The following FXYD6 variants were observed in gnomAD, a reference collection of about 807,000 sequenced individuals.
FXYD6 encodes the protein FXYD domain-containing ion transport regulator 6.
In FXYD6, 7 loss-of-function variants were observed where a neutral mutation model predicts 16.7. The observed-to-expected ratio is 0.42, with a 90% CI of 0.24 to 0.79. FXYD6 has a LOEUF of 0.79. Among genes scored for constraint, FXYD6 ranks in the 30% least tolerant of loss-of-function variants. FXYD6 has a pLI of 0.28. For missense variants in FXYD6, 111 were observed against 116.2 expected (o/e 0.95, Z 0.21); for synonymous variants, 49 against 43.0 (o/e 1.14, Z -0.54).
chr11:117,846,672 G>C (rs536000754), intron 1 of FXYD6, among the ~76,000 whole-genome samples: 1 of 152,170 alleles, frequency 6.6e-6, no homozygotes, highest in Non-Finnish European at 1.5e-5. Context: ...TCACATATCT[G>C]ATTTCTATTT....
At chr11:117,853,378 C>A (rs1040829072) in intron 1 of FXYD6, among the ~76,000 whole-genome samples, 2 of 152,234 alleles carry the variant, frequency 1.3e-5, no homozygotes, top group Non-Finnish European at 2.9e-5. Flanking sequence ...GGCTTCCCAA[C>A]CTTGCTGGAC....
intron 1 of FXYD6, among the ~76,000 whole-genome samples, chr11:117,862,306 T>C (rs753320231): frequency 3.3e-5 from 5 of 152,214 alleles, no homozygotes; most frequent in Non-Finnish European, 5.9e-5. Flanking sequence ...GTCATCCTCC[T>C]CCTTCTGAGG....
intron 1 of FXYD6, among the ~76,000 whole-genome samples, chr11:117,843,207 T>A (rs2134139313): frequency 6.6e-6 from 1 of 152,366 alleles, no homozygotes; most frequent in East Asian, 1.9e-4. Flanking sequence ...AGGGCTGGGA[T>A]TATAGGCGTG....
chr11:117,843,384 A>G (rs1191588934), intron 1 of FXYD6, among the ~76,000 whole-genome samples: 1 of 152,174 alleles, frequency 6.6e-6, no homozygotes, highest in Non-Finnish European at 1.5e-5. Flanking sequence ...CAGGGCCTAG[A>G]TCCTAACCCA....
rs779742780 is a variant in FXYD6, at chr11:117,862,998, T to A, written c.-6+13594A>T. On this transcript the variant is annotated intron_variant, in intron 1 of 7. Transcript: ENST00000526014. ...GTGATGATGTTATACACCAGTCATT[T>A]ATAAGACACCTTATTCACCAGATAA... 8.1e-4 allele frequency among the ~76,000 whole-genome samples: 123 copies of A among 152,356 alleles called. 1 individual carries two copies. The highest frequency in any genetic ancestry group is 1.6e-3 in the Non-Finnish European group (108 of 68,030).
Position 117,839,542 on chromosome 11 carries a change from G to C in FXYD6, c.*21+239C>G, listed in dbSNP as rs544744660. 162 of 511,932 alleles carry C rather than the reference G, an allele frequency of 3.2e-4. 1 individual carries two copies. The highest frequency in any genetic ancestry group is 2.9e-3 in the African/African-American group (153 of 53,142). The allele number at this position is 511,932 out of a possible 1,614,324, so 31.7% of individuals were successfully genotyped here. On this transcript the variant is annotated intron_variant, in intron 7 of 7. Transcript: ENST00000526014. Reference sequence around the variant, plus strand: ...GCCCTATGCACTCGGCCAGTGGGCTGTGTGGAAGCCCCATTTCCTGGTGTT... The same window carrying C: ...GCCCTATGCACTCGGCCAGTGGGCTCTGTGGAAGCCCCATTTCCTGGTGTT...
Position 117,870,253 on chromosome 11 carries a change from G to T in FXYD6, c.-6+6339C>A, listed in dbSNP as rs1336261458. Among the ~76,000 whole-genome samples the T allele has an allele frequency of 2.0e-5, 3 of 152,258 alleles. No homozygotes were observed. The highest frequency in any genetic ancestry group is 4.4e-5 in the Non-Finnish European group (3 of 68,050). On this transcript the variant is annotated intron_variant, in intron 1 of 7. Transcript: ENST00000526014. This position sits in a 1 kb window ranked among gnomAD's most constrained non-coding sequence, Gnocchi z 4.2. Reference sequence around the variant, plus strand: ...GGCTGAGGCCCCTCTGGTTCCCCAGGAGATCTCGGTCTGGCTCCAGAGAGT... The same window carrying T: ...GGCTGAGGCCCCTCTGGTTCCCCAGTAGATCTCGGTCTGGCTCCAGAGAGT...
chr11:117,851,203 A>AG (rs1423860872), intron 1 of FXYD6, among the ~76,000 whole-genome samples: 2 of 152,190 alleles, frequency 1.3e-5, no homozygotes, highest in African/African-American at 2.4e-5. Context: ...GTTGGTCTGT[A>AG]TGACCAGGAA....
chr11:117,864,877 G>A (rs528747314), intron 1 of FXYD6, among the ~76,000 whole-genome samples: 3 of 152,258 alleles, frequency 2.0e-5, no homozygotes, highest in Non-Finnish European at 4.4e-5. Context: ...GGGTCACCGC[G>A]TCTGGCCGAA....
chr11:117,840,046 A>T, intron 6 of FXYD6: 1 of 658,204 alleles, frequency 1.5e-6, no homozygotes. Flanking sequence ...CAAAATGGGG[A>T]CAATGATGCC....
At chr11:117,873,282 G>A (rs544935413) in intron 1 of FXYD6, among the ~76,000 whole-genome samples, 1 of 152,344 alleles carries the variant, frequency 6.6e-6, no homozygotes, top group East Asian at 1.9e-4. Flanking sequence ...GGTACCTGGA[G>A]AGAAAAGGGA....
At chr11:117,852,670 C>G (rs2056636724) in intron 1 of FXYD6, among the ~76,000 whole-genome samples, 1 of 152,330 alleles carries the variant, frequency 6.6e-6, no homozygotes, top group South Asian at 2.1e-4. Flanking sequence ...TAGGTTCATC[C>G]TTTTCATCGT....
chr11:117,876,652 G>T lies in FXYD6; in HGVS notation c.-66C>A, dbSNP rs975068858. ...ACCCGCCGAGTCCCGAGGAGCCTGGGAGTGGCGGGGCTGGGGGCAGGGCGG... is the reference window on the plus strand; with the variant it reads ...ACCCGCCGAGTCCCGAGGAGCCTGGTAGTGGCGGGGCTGGGGGCAGGGCGG... On this transcript the variant is annotated 5_prime_UTR_variant, in exon 1 of 8. Coordinates refer to ENST00000526014, the MANE Select transcript of FXYD6 (RefSeq NM_022003.4). 5 of 152,282 alleles carry T rather than the reference G, an allele frequency of 3.3e-5. No individual in the cohort carries two copies. The highest frequency in any genetic ancestry group is 7.3e-5 in the Non-Finnish European group (5 of 68,108). The allele number at this position is 152,282 out of a possible 1,614,324, so 9.4% of individuals were successfully genotyped here.
chr11:117,861,025 G>A (rs558705804), intron 1 of FXYD6, among the ~76,000 whole-genome samples: 3 of 152,294 alleles, frequency 2.0e-5, no homozygotes, highest in Admixed American at 1.3e-4. Flanking sequence ...CCTCCTCTCT[G>A]CCACTCAGTG....
At chr11:117,864,628 C>T (rs2056975833) in intron 1 of FXYD6, among the ~76,000 whole-genome samples, 1 of 152,132 alleles carries the variant, frequency 6.6e-6, no homozygotes, top group East Asian at 1.9e-4. Flanking sequence ...ACCCTGTTGC[C>T]CAGGCTGGAG....
chr11:117,840,453 G>T, intron 5 of FXYD6, 85 bp from the exon 6 acceptor site: 1 of 1,570,302 alleles, frequency 6.4e-7, no homozygotes, highest in Non-Finnish European at 8.7e-7. Flanking sequence ...CTGGGGCACA[G>T]CTGCCTGCAG....
At chr11:117,849,803 C>T (rs1052466304) in intron 1 of FXYD6, among the ~76,000 whole-genome samples, 1 of 152,160 alleles carries the variant, frequency 6.6e-6, no homozygotes, top group African/African-American at 2.4e-5. Flanking sequence ...ACTTAACCTT[C>T]ACTGGTTACT....
intron 1 of FXYD6, among the ~76,000 whole-genome samples, chr11:117,869,344 C>T (rs191229074): frequency 2.0e-5 from 3 of 152,342 alleles, no homozygotes; most frequent in Admixed American, 6.5e-5. Context: ...CTCCGCCCAG[C>T]GCATCACTGT....
intron 1 of FXYD6, among the ~76,000 whole-genome samples, chr11:117,843,080 T>A (rs925038962): frequency 6.6e-5 from 10 of 152,136 alleles, no homozygotes; most frequent in Admixed American, 6.5e-4. Flanking sequence ...ATTAGAGGCG[T>A]GTGCCATCAT....
Sources: gnomAD v4.1 joint callset for allele counts (sites outside exome capture counted in the v4.1 genomes callset) on GRCh38, gnomAD v4.1.1 for gene constraint, Gnocchi (gnomAD v3.1) non-coding constraint, MANE v1.5 for transcripts, NCBI Gene and HGNC (gene_info 2026-07-23, HGNC 2026-07-21) for gene names.